The following GRXCR1 variants were observed in gnomAD, a reference collection of about 807,000 sequenced individuals.
GRXCR1 encodes glutaredoxin domain-containing cysteine-rich protein 1.
GRXCR1 carries 27 observed loss-of-function variants against 27.3 expected under a neutral mutation model. The observed-to-expected ratio is 0.99, with a 90% CI of 0.73 to 1.37. The LOEUF is 1.37. Ranked by LOEUF, GRXCR1 falls within the 40% of genes most tolerant of loss-of-function variation. GRXCR1 has a pLI of 0.00. For missense variants in GRXCR1, 379 were observed against 354.4 expected (o/e 1.07, Z -0.56); for synonymous variants, 122 against 131.1 (o/e 0.93, Z 0.47).
At chr4:42,906,881 T>A (rs938077574) in intron 1 of GRXCR1, among the ~76,000 whole-genome samples, 1 of 152,188 alleles carries the variant, frequency 6.6e-6, no homozygotes, top group African/African-American at 2.4e-5. Context: ...AAAACATTTG[T>A]CCCCGAATAT....
At chr4:43,006,906 CT>C (rs1341517489) in intron 2 of GRXCR1, among the ~76,000 whole-genome samples, 1 of 152,140 alleles carries the variant, frequency 6.6e-6, no homozygotes, top group Non-Finnish European at 1.5e-5. Context: ...CTCTTTTGTA[CT>C]CTGTCCCTTT....
chr4:42,978,977 C>A (rs770217628), intron 2 of GRXCR1, among the ~76,000 whole-genome samples: 3 of 151,940 alleles, frequency 2.0e-5, no homozygotes, highest in Non-Finnish European at 4.4e-5. Flanking sequence ...TTTCCTGTTG[C>A]CTTGTGAAGA....
intron 2 of GRXCR1, among the ~76,000 whole-genome samples, chr4:42,975,194 AC>A (rs961974590): frequency 6.6e-6 from 1 of 152,118 alleles, no homozygotes; most frequent in Non-Finnish European, 1.5e-5. Context: ...AAAACCAAAA[AC>A]CAAAAAGTAA....
At chr4:42,982,310 G>C (rs1329454313) in intron 2 of GRXCR1, among the ~76,000 whole-genome samples, 1 of 143,242 alleles carries the variant, frequency 7.0e-6, no homozygotes, top group South Asian at 2.3e-4. Flanking sequence ...GCGGTGTTTG[G>C]TTTTTTGTTC....
In GRXCR1 at chr4:42,950,796, C is replaced by T. The variant is rs547303939; in HGVS notation, c.385-12096C>T. On this transcript the variant is annotated intron_variant, in intron 1 of 3. Transcript: ENST00000399770. ...AAAAGTAAATGGACCTCCTCAAATT[C>T]ATACCACTACTATATTAGTCAGCAT... is the stretch of plus-strand genomic sequence containing the variant. 7.2e-5 allele frequency among the ~76,000 whole-genome samples: 11 copies of T among 152,244 alleles called. No homozygotes were observed. In the South Asian group the frequency reaches 2.3e-3, roughly 32 times the overall value.
intron 2 of GRXCR1, among the ~76,000 whole-genome samples, chr4:42,998,662 A>G (rs941581865): frequency 2.0e-5 from 3 of 152,204 alleles, no homozygotes; most frequent in South Asian, 2.1e-4. Context: ...TGTTTGTGGC[A>G]TTTCCTGACA....
At chr4:42,946,912 C>G (rs968333230) in intron 1 of GRXCR1, among the ~76,000 whole-genome samples, 2 of 152,160 alleles carry the variant, frequency 1.3e-5, no homozygotes, top group Non-Finnish European at 2.9e-5. Context: ...ATAACATACA[C>G]TTTTTGATCT....
rs560275113 is a variant in GRXCR1 at position 42,903,459 on chromosome 4, C to T, written c.384+9809C>T. Among the ~76,000 whole-genome samples, 4 of 145,888 alleles carry T rather than the reference C, an allele frequency of 2.7e-5. 1 individual carries two copies. The East Asian group carries it at 7.3e-4, about 27-fold the overall frequency. ...CCCAAGTAGCTGGGACTACAGGCACCCACCACCACGCCAGGCTAATTTTTT... is the reference window on the plus strand; with the variant it reads ...CCCAAGTAGCTGGGACTACAGGCACTCACCACCACGCCAGGCTAATTTTTT... On this transcript the variant is annotated intron_variant, in intron 1 of 3. Transcript: ENST00000399770.
At chr4:42,910,988 A>G (rs937121985) in intron 1 of GRXCR1, among the ~76,000 whole-genome samples, 2 of 152,130 alleles carry the variant, frequency 1.3e-5, no homozygotes, top group African/African-American at 4.8e-5. Context: ...TGTAACACCC[A>G]TATTATAGCT....
chr4:42,985,694 C>T (rs545507183), intron 2 of GRXCR1, among the ~76,000 whole-genome samples: 7 of 151,478 alleles, frequency 4.6e-5, no homozygotes, highest in South Asian at 4.2e-4. Flanking sequence ...TTTTAGAGTG[C>T]GATTAAAAGA....
chr4:42,977,786 T>C (rs1220063973), intron 2 of GRXCR1, among the ~76,000 whole-genome samples: 1 of 152,026 alleles, frequency 6.6e-6, no homozygotes, highest in African/African-American at 2.4e-5. Context: ...GTTTTTTGTC[T>C]TGTGCAGATG....
chr4:42,951,311 C>G (rs558319494), intron 1 of GRXCR1, among the ~76,000 whole-genome samples: 8 of 152,290 alleles, frequency 5.3e-5, no homozygotes, highest in African/African-American at 1.9e-4. Flanking sequence ...AAATGCTCAT[C>G]TCTTCCAGAA....
intron 1 of GRXCR1, among the ~76,000 whole-genome samples, chr4:42,920,418 A>G (rs1013283092): frequency 2.6e-5 from 4 of 152,206 alleles, no homozygotes; most frequent in South Asian, 2.1e-4. Context: ...AACATCAGGA[A>G]GAATGGTATT....
intron 1 of GRXCR1, among the ~76,000 whole-genome samples, chr4:42,926,278 G>T (rs1478001414): frequency 6.6e-6 from 1 of 151,896 alleles, no homozygotes; most frequent in Admixed American, 6.6e-5. Flanking sequence ...GGTGAATACA[G>T]GTAAAAATAC....
At chr4:42,915,586 A>G (rs1176930937) in intron 1 of GRXCR1, among the ~76,000 whole-genome samples, 2 of 152,116 alleles carry the variant, frequency 1.3e-5, no homozygotes, top group Non-Finnish European at 2.9e-5. Context: ...CTGTTACAAA[A>G]CAACAGAGTA....
chr4:42,956,984 C>T (rs920104323), intron 1 of GRXCR1, among the ~76,000 whole-genome samples: 6 of 152,082 alleles, frequency 3.9e-5, no homozygotes, highest in African/African-American at 1.4e-4. Flanking sequence ...ATCAACCCTT[C>T]ATACCTATCT....
At chr4:43,030,285 A>T in intron 3 of GRXCR1, 76 bp from the exon 4 acceptor site, 1 of 1,369,676 alleles carries the variant, frequency 7.3e-7, no homozygotes, top group Non-Finnish European at 1.0e-6. Context: ...ACAGTTCAGA[A>T]AGACCGGGAG....
intron 2 of GRXCR1, among the ~76,000 whole-genome samples, chr4:43,012,116 A>C (rs939600145): frequency 6.6e-6 from 1 of 152,188 alleles, no homozygotes; most frequent in Non-Finnish European, 1.5e-5. Context: ...CCCAGAAAAA[A>C]AAATTGACTC....
intron 1 of GRXCR1, among the ~76,000 whole-genome samples, chr4:42,934,518 T>C (rs940138420): frequency 1.0e-3 from 154 of 151,844 alleles, no homozygotes; most frequent in Admixed American, 8.6e-4. Context: ...GAACTTCCTA[T>C]AGAAAGGATT....
Sources: gnomAD v4.1 joint callset for allele counts (sites outside exome capture counted in the v4.1 genomes callset) on GRCh38, gnomAD v4.1.1 for gene constraint, MANE v1.5 for transcripts, NCBI Gene and HGNC (gene_info 2026-07-23, HGNC 2026-07-21) for gene names.